The following KLHL8 variants were observed in gnomAD, a reference collection of about 807,000 sequenced individuals.
The protein encoded by KLHL8 is kelch like family member 8.
KLHL8 carries 38 observed loss-of-function variants against 63.5 expected under a neutral mutation model. The observed-to-expected ratio is 0.60, with a 90% CI of 0.46 to 0.78. KLHL8 has a LOEUF of 0.78. Ranked by LOEUF, KLHL8 falls within the 30% of genes least tolerant of loss-of-function variation. The pLI, the probability that KLHL8 is intolerant of heterozygous loss-of-function variation, is 0.00. For missense variants in KLHL8, 566 were observed against 752.4 expected, an observed-to-expected ratio of 0.75 and a Z score of 2.90; for synonymous variants, 224 against 254.3, an observed-to-expected ratio of 0.88 and a Z score of 1.13.
chr4:87,202,907 C>T (rs1731974136), intron 1 of KLHL8, among the ~76,000 whole-genome samples: 1 of 152,098 alleles, frequency 6.6e-6, no homozygotes, highest in Admixed American at 6.5e-5. Flanking sequence ...TAAAAATCCC[C>T]AACAAATATT....
At chr4:87,221,562 A>C (rs1685977411), upstream of KLHL8, among the ~76,000 whole-genome samples, 3 of 152,222 alleles carry the variant, frequency 2.0e-5, no homozygotes, top group South Asian at 6.2e-4. Context: ...GTCTTTTGCC[A>C]GACTAACCTC....
intron 6 of KLHL8, among the ~76,000 whole-genome samples, chr4:87,175,219 C>T (rs1730777819): frequency 6.6e-6 from 1 of 152,154 alleles, no homozygotes; most frequent in Non-Finnish European, 1.5e-5. Flanking sequence ...ATCTTTTATT[C>T]CCATACCCCA....
upstream of KLHL8, among the ~76,000 whole-genome samples, chr4:87,221,783 G>C (rs574934452): frequency 3.4e-4 from 52 of 151,830 alleles, no homozygotes; most frequent in East Asian, 7.2e-3. Flanking sequence ...TTTTTACATT[G>C]AAATATAAAT....
chr4:87,187,742 G>C (rs1440533539), intron 2 of KLHL8, among the ~76,000 whole-genome samples: 2 of 151,788 alleles, frequency 1.3e-5, no homozygotes, highest in East Asian at 3.8e-4. Context: ...CTTACATCTG[G>C]AAGTTTTTGG....
intron 1 of KLHL8, among the ~76,000 whole-genome samples, chr4:87,232,253 G>A (rs2110071214): frequency 6.6e-6 from 1 of 152,242 alleles, no homozygotes; most frequent in African/African-American, 2.4e-5. Flanking sequence ...TAGTTTGCAT[G>A]TGTTTGAAAT....
chr4:87,163,286 C>A lies in KLHL8; in HGVS notation c.*233G>T. The A allele has an allele frequency of 3.0e-6, 1 of 327,962 alleles. No homozygotes were observed. Among genetic ancestry groups the A allele is most frequent in the Non-Finnish European group, 5.5e-6 (1 of 182,152 alleles). The allele number at this position is 327,962 out of a possible 1,614,324, so 20.3% of individuals were successfully genotyped here. A position where few individuals can be genotyped will look rare whatever the true frequency, so the allele number is the denominator to read the frequency against. ...AGGGTAGGTATGATTTTAAGTTCGA[C>A]TATCTTCTTCCCTACTCCATTATTT... On this transcript the variant is annotated 3_prime_UTR_variant, in exon 10 of 10. Coordinates refer to ENST00000273963, the MANE Select transcript of KLHL8 (RefSeq NM_020803.5).
At chr4:87,169,334 T>A (rs1486490212) in intron 8 of KLHL8, among the ~76,000 whole-genome samples, 3 of 152,128 alleles carry the variant, frequency 2.0e-5, no homozygotes, top group African/African-American at 7.2e-5. Context: ...CCTACTGGCT[T>A]ACTTGAAGTA....
chr4:87,176,856 G>A lies in KLHL8; in HGVS notation c.1109C>T (p.Ala370Val). The A allele has an allele frequency of 6.3e-7, 1 of 1,586,826 alleles. No individual in the cohort carries two copies. The highest frequency in any genetic ancestry group is 1.1e-5 in the South Asian group (1 of 87,772). ...GVISVEGKVY[A>V]VGGHDGNEHL... is the part of the protein sequence containing the mutation. ...TTCATTTCCATCATGTCCACCTACT[G>A]CATACACTTTACCTGTCAAATAGAG... is the stretch of plus-strand genomic sequence containing the variant. The change falls in exon 6 of 10, where the codon GCA becomes GTA. Residue 370 changes from alanine (A) to valine (V), a missense_variant. Ala to Val is a moderately conservative substitution (Grantham distance 64, BLOSUM62 0). Coordinates refer to ENST00000273963, the MANE Select transcript of KLHL8 (RefSeq NM_020803.5).
At chr4:87,223,342 T>A (rs150380220), upstream of KLHL8, among the ~76,000 whole-genome samples, 1 of 152,184 alleles carries the variant, frequency 6.6e-6, no homozygotes, top group Non-Finnish European at 1.5e-5. Flanking sequence ...ACTGCTCTTT[T>A]TCTTCTGCTA....
At chr4:87,199,652 A>T (rs1303233607) in intron 1 of KLHL8, among the ~76,000 whole-genome samples, 1 of 87,844 alleles carries the variant, frequency 1.1e-5, no homozygotes, top group Non-Finnish European at 2.9e-5. Flanking sequence ...CTACAACTCA[A>T]TTAAAAAAAA....
intron 1 of KLHL8, chr4:87,207,354 T>G: frequency 1.6e-6 from 1 of 644,602 alleles, no homozygotes; most frequent in Non-Finnish European, 2.9e-6. Context: ...GGGGCAATGC[T>G]GACGCTGAGT....
rs1378942723 is a variant in KLHL8, at chr4:87,220,600, C to A, written c.-334G>T. ...CGCTTGGCGTCCTCTCGCCTCAGCC[C>A]CCGCGAGCCGCGGCCTCTGGGGGCG... is the stretch of plus-strand genomic sequence containing the variant. On this transcript the variant is annotated 5_prime_UTR_variant, in exon 1 of 10. Coordinates refer to ENST00000273963, the MANE Select transcript of KLHL8 (RefSeq NM_020803.5). 1 of 152,058 alleles carries A rather than the reference C, an allele frequency of 6.6e-6. No homozygotes were observed. Among genetic ancestry groups the A allele is most frequent in the Non-Finnish European group, 1.5e-5 (1 of 68,008 alleles). 9.4% of individuals were successfully genotyped at this position (152,058 alleles called of 1,614,324 possible). A position where few individuals can be genotyped will look rare whatever the true frequency, so the allele number is the denominator to read the frequency against.
chr4:87,210,385 G>A (rs1732356148), intron 1 of KLHL8, among the ~76,000 whole-genome samples: 1 of 152,154 alleles, frequency 6.6e-6, no homozygotes, highest in African/African-American at 2.4e-5. Context: ...GGAGGCTGAG[G>A]CAGGAGAATG....
chr4:87,160,633 T>G lies in KLHL8; in HGVS notation c.*2886A>C, dbSNP rs1326941433. On this transcript the variant is annotated 3_prime_UTR_variant, in exon 10 of 10. Transcript: ENST00000273963. ...ATAATCAATTAATTACATAAGTATATAGTGAAATCTGTCAAAAACAATGTC... is the reference window on the plus strand; with the variant it reads ...ATAATCAATTAATTACATAAGTATAGAGTGAAATCTGTCAAAAACAATGTC... 2 of 152,186 alleles carry G rather than the reference T, an allele frequency of 1.3e-5. No individual in the cohort carries two copies. The highest frequency in any genetic ancestry group is 4.8e-5 in the African/African-American group (2 of 41,444). The allele number at this position is 152,186 out of a possible 1,614,324, so 9.4% of individuals were successfully genotyped here. A position where few individuals can be genotyped will look rare whatever the true frequency, so the allele number is the denominator to read the frequency against.
In KLHL8 at chr4:87,166,665, C is replaced by T. The variant is rs552536343; in HGVS notation, c.1538-2586G>A. 3.3e-5 allele frequency among the ~76,000 whole-genome samples: 5 copies of T among 152,312 alleles called. No individual in the cohort carries two copies. In the South Asian group the frequency reaches 1.0e-3, roughly 32 times the overall value. On this transcript the variant is annotated intron_variant, in intron 8 of 9. Coordinates refer to ENST00000273963, the MANE Select transcript of KLHL8 (RefSeq NM_020803.5). ...AACTGTTTGAAACACAGAAACTAGG[C>T]CCCTCCTTTGCAATATAACAAGATC...
At chr4:87,231,118 G>A (rs1185808134) in intron 1 of KLHL8, among the ~76,000 whole-genome samples, 1 of 152,154 alleles carries the variant, frequency 6.6e-6, no homozygotes, top group Non-Finnish European at 1.5e-5. Flanking sequence ...AGTGACTGAA[G>A]GGAGTTGGTG....
chr4:87,170,405 G>A (rs1730591012), intron 7 of KLHL8, 42 bp downstream of exon 7: 1 of 1,555,228 alleles, frequency 6.4e-7, no homozygotes, highest in African/African-American at 1.4e-5. Context: ...GGTTATGAAT[G>A]TAATGCAATG....
rs1270895202 is a variant in KLHL8 at position 87,183,267 on chromosome 4, C to A, written c.888G>T (p.Leu296Phe). 1 of 1,613,832 alleles carries A rather than the reference C, an allele frequency of 6.2e-7. No homozygotes were observed. Among genetic ancestry groups the A allele is most frequent in the Non-Finnish European group, 8.5e-7 (1 of 1,179,854 alleles). ...CAAAGTCAGGTACTGCTCTGCTACT[C>A]AAGTGAAGGTGGTAATTTCTTGCTT... ...LDEARNYHLH[L>F]SSRAVPDFEY... is the part of the protein sequence containing the mutation. The change falls in exon 4 of 10, where the codon TTG (leucine) becomes TTT (phenylalanine). Residue 296 changes from leucine to phenylalanine, a missense_variant. Transcript: ENST00000273963.
upstream of KLHL8, among the ~76,000 whole-genome samples, chr4:87,222,314 T>C (rs1334768251): frequency 1.3e-5 from 2 of 152,296 alleles, no homozygotes; most frequent in East Asian, 1.9e-4. Flanking sequence ...AGTCCTTTAC[T>C]ATACCTTAAG....
Sources: allele counts gnomAD v4.1 joint callset (sites outside exome capture counted in the v4.1 genomes callset), GRCh38; gene constraint gnomAD v4.1.1; transcripts MANE v1.5; gene names NCBI Gene and HGNC (gene_info 2026-07-23, HGNC 2026-07-21).